Variants in AKAP7 observed in about 807,000 individuals in gnomAD.
AKAP7 encodes the protein A-kinase anchoring protein 7.
Under a neutral mutation model 39.5 loss-of-function variants are expected in AKAP7, and 39 were observed. That is an observed-to-expected ratio of 0.99 (90% CI 0.76 to 1.29). The LOEUF (loss-of-function observed/expected upper bound fraction) is 1.29, where lower values mean the gene tolerates loss of function less well. Among genes scored for constraint, AKAP7 ranks in the 50% most tolerant of loss-of-function variants. AKAP7 has a pLI of 0.00. For missense variants in AKAP7, 414 were observed against 407.7 expected (o/e 1.02, Z -0.13); for synonymous variants, 140 against 139.1 (o/e 1.01, Z -0.05).
At chr6:131,188,328 T>G (rs934001713) in intron 5 of AKAP7, among the ~76,000 whole-genome samples, 2 of 152,206 alleles carry the variant, frequency 1.3e-5, no homozygotes, top group African/African-American at 4.8e-5. Flanking sequence ...ATAGTAATAT[T>G]ATAGGAACAA....
upstream of AKAP7, among the ~76,000 whole-genome samples, chr6:131,132,429 T>C (rs1183661537): frequency 6.6e-6 from 1 of 152,200 alleles, no homozygotes; most frequent in Non-Finnish European, 1.5e-5. Context: ...CATGAGGGCA[T>C]GGATCCTCTG....
At chr6:131,206,318 T>A (rs1277629404) in intron 6 of AKAP7, among the ~76,000 whole-genome samples, 1 of 152,198 alleles carries the variant, frequency 6.6e-6, no homozygotes, top group Admixed American at 6.5e-5. Flanking sequence ...AGCAGTGTTT[T>A]ACAGAGTCAG....
At chr6:131,134,992 C>T (rs1328559470), upstream of AKAP7, among the ~76,000 whole-genome samples, 1 of 152,186 alleles carries the variant, frequency 6.6e-6, no homozygotes, top group Non-Finnish European at 1.5e-5. Flanking sequence ...CAACTGGTTT[C>T]CTCTTAATGT....
At chr6:131,140,856 A>G (rs917266560) in intron 1 of AKAP7, among the ~76,000 whole-genome samples, 6 of 152,216 alleles carry the variant, frequency 3.9e-5, no homozygotes, top group African/African-American at 1.2e-4. Context: ...CCTAAGCTGC[A>G]TTTGTGTTTT....
At chr6:131,184,690 T>C in intron 5 of AKAP7, 1 of 787,138 alleles carries the variant, frequency 1.3e-6, no homozygotes, top group South Asian at 1.4e-5. Flanking sequence ...ACAGTAGTTG[T>C]TGGGCAAGGC....
rs1422462670 is a variant in AKAP7 at position 131,281,724 on chromosome 6, T to C, written c.1045T>C (p.Ter349ArgextTer19). ...CAATGACAATGAGAACAACAGGAAA[T>C]GAGCCCGGAACGCAGGCCCCCATGT... The part of the protein sequence containing the change: ...NGNDNENNRK[*>R] Residue 349 changes from the stop codon to arginine (R), a stop_lost, in exon 8 of 8, where the codon TGA (stop) becomes CGA (arginine). Coordinates refer to ENST00000431975, the MANE Select transcript of AKAP7 (RefSeq NM_016377.4). The surrounding 1 kb of genome is among the most constrained non-coding windows in gnomAD (Gnocchi z 4.0). 2 of 1,598,416 alleles carry C rather than the reference T, an allele frequency of 1.3e-6. No individual in the cohort carries two copies. The highest frequency in any genetic ancestry group is 4.5e-5 in the East Asian group (2 of 44,504).
At chr6:131,276,413 C>A (rs1281310026) in intron 7 of AKAP7, among the ~76,000 whole-genome samples, 1 of 151,998 alleles carries the variant, frequency 6.6e-6, no homozygotes, top group African/African-American at 2.4e-5. Context: ...GAGGATGATT[C>A]CTGACCTGTC....
intron 5 of AKAP7, among the ~76,000 whole-genome samples, chr6:131,188,756 T>C (rs1806121357): frequency 6.6e-6 from 1 of 151,556 alleles, no homozygotes; most frequent in African/African-American, 2.4e-5. Flanking sequence ...TTTCACCATG[T>C]TGCCCAGGCT....
chr6:131,184,353 GA>G, intron 5 of AKAP7: 3 of 649,784 alleles, frequency 4.6e-6, no homozygotes, highest in South Asian at 4.1e-5. Context: ...CTGGTAGATG[GA>G]AGCTTTCTCC....
chr6:131,228,222 T>C (rs1810342970), intron 7 of AKAP7, among the ~76,000 whole-genome samples: 3 of 152,276 alleles, frequency 2.0e-5, no homozygotes, highest in Non-Finnish European at 4.4e-5. Flanking sequence ...AATTTTTTCA[T>C]TGGGTGAAAG....
chr6:131,256,267 C>G (rs1164428103), intron 7 of AKAP7, among the ~76,000 whole-genome samples: 1 of 152,180 alleles, frequency 6.6e-6, no homozygotes, highest in Non-Finnish European at 1.5e-5. Context: ...ACCATAGTCA[C>G]TAAAGGTTAG....
chr6:131,177,263 A>G (rs1804670999), intron 5 of AKAP7, among the ~76,000 whole-genome samples: 1 of 152,148 alleles, frequency 6.6e-6, no homozygotes, highest in Non-Finnish European at 1.5e-5. Context: ...TAATTTATGA[A>G]GGAAAGACGT....
Position 131,165,066 on chromosome 6 carries a change from T to C in AKAP7, c.292-15T>C. 1 of 1,581,164 alleles carries C rather than the reference T, an allele frequency of 6.3e-7. No homozygotes were observed. Among genetic ancestry groups the C allele is most frequent in the Non-Finnish European group, 8.6e-7 (1 of 1,167,746 alleles). On this transcript the variant is annotated splice_polypyrimidine_tract_variant and intron_variant, in intron 3 of 7. Coordinates refer to ENST00000431975, the MANE Select transcript of AKAP7 (RefSeq NM_016377.4). Reference sequence around the variant, plus strand: ...ATCACTGGAATTTTTTTTATATGTGTGTATGTGTTATTAGATTATAAAAGG... The same window carrying C: ...ATCACTGGAATTTTTTTTATATGTGCGTATGTGTTATTAGATTATAAAAGG...
intron 6 of AKAP7, among the ~76,000 whole-genome samples, chr6:131,211,129 G>A (rs1808604731): frequency 6.6e-6 from 1 of 152,126 alleles, no homozygotes; most frequent in Non-Finnish European, 1.5e-5. Flanking sequence ...GGTGTCGTTT[G>A]GCTTGTTAAG....
At chr6:131,209,496 C>T (rs973231528) in intron 6 of AKAP7, among the ~76,000 whole-genome samples, 1 of 152,056 alleles carries the variant, frequency 6.6e-6, no homozygotes, top group Non-Finnish European at 1.5e-5. Context: ...GTGATCCACC[C>T]GCCTCGGCCT....
intron 6 of AKAP7, among the ~76,000 whole-genome samples, chr6:131,206,791 A>ATCTG (rs990688633): frequency 3.3e-5 from 5 of 150,280 alleles, no homozygotes; most frequent in Non-Finnish European, 7.5e-5. Flanking sequence ...CCATCCATCT[A>ATCTG]TCTATCTATC....
intron 3 of AKAP7, 89 bp from the exon 4 acceptor site, chr6:131,164,988 CTTAT>C: frequency 9.8e-7 from 1 of 1,021,320 alleles, no homozygotes; most frequent in Non-Finnish European, 1.4e-6. Context: ...TTGGTTGTTG[CTTAT>C]TTTTCTTCTT....
In AKAP7 at chr6:131,182,816, CT is replaced by C. The variant is rs76959681; in HGVS notation, c.589+13552del. ...ATTTTCTATTTTTTTGATAATGGCC[CT>C]TTTTTTTTAACCCAAATTTTGTATT... On this transcript the variant is annotated intron_variant, in intron 5 of 7. Transcript: ENST00000431975. Among the ~76,000 whole-genome samples the C allele has an allele frequency of 0.014, 2,189 of 150,976 alleles. 145 individuals carry two copies. The East Asian group carries it at 0.18, about 12-fold the overall frequency.
upstream of AKAP7, among the ~76,000 whole-genome samples, chr6:131,132,220 G>C (rs60989926): frequency 0.2 from 30,201 of 151,900 alleles, 3,490 homozygotes; most frequent in Non-Finnish European, 0.26. Flanking sequence ...AGTAGAGCAG[G>C]GAGAATGGCG....
Sources: allele counts gnomAD v4.1 joint callset (sites outside exome capture counted in the v4.1 genomes callset), GRCh38; gene constraint gnomAD v4.1.1; non-coding constraint Gnocchi (gnomAD v3.1); transcripts MANE v1.5; gene names NCBI Gene and HGNC (gene_info 2026-07-23, HGNC 2026-07-21).